The following ATL1 variants were observed in gnomAD, a reference collection of about 807,000 sequenced individuals.
ATL1 encodes the protein atlastin-1.
A neutral mutation model predicts 75.5 loss-of-function variants in ATL1; 31 were observed. The observed-to-expected ratio is 0.41, with a 90% CI of 0.31 to 0.55. The LOEUF (loss-of-function observed/expected upper bound fraction) is 0.55, where lower values mean the gene tolerates loss of function less well. Ranked by LOEUF, ATL1 falls within the 20% of genes least tolerant of loss-of-function variation. The pLI is 0.27. For missense variants in ATL1, 405 were observed against 662.6 expected (o/e 0.61, Z 4.27); for synonymous variants, 226 against 233.3 (o/e 0.97, Z 0.28).
intron 8 of ATL1, among the ~76,000 whole-genome samples, chr14:50,616,210 GC>G (rs532872215): frequency 1.9e-4 from 29 of 152,136 alleles, no homozygotes; most frequent in African/African-American, 6.3e-4. Context: ...TGTTTCCAGG[GC>G]TGGTCTCAAA....
At chr14:50,623,618 A>G (rs764602611) in intron 11 of ATL1, among the ~76,000 whole-genome samples, 1 of 151,778 alleles carries the variant, frequency 6.6e-6, no homozygotes, top group Non-Finnish European at 1.5e-5. Context: ...TAAACCTTTT[A>G]GGAAAAAAAA....
In ATL1 at chr14:50,632,337, T is replaced by C; in HGVS notation, c.1675T>C (p.Ter559GlnextTer4). 2 of 1,596,738 alleles carry C rather than the reference T, an allele frequency of 1.3e-6. No homozygotes were observed. Among genetic ancestry groups the C allele is most frequent in the Non-Finnish European group, 8.6e-7 (1 of 1,164,604 alleles). ...TGAACAATCAGAAAAGAAAAAAATG[T>C]AATGCAAATTTTAAGAAATACAGGT... ...STEQSEKKKM[*>Q] The change falls in exon 14 of 14, where the codon TAA (stop) becomes CAA (glutamine). Residue 559 changes from the stop codon to glutamine (Q), a stop_lost. Transcript: ENST00000358385.
chr14:50,625,738 G>A (rs561596189), intron 11 of ATL1, among the ~76,000 whole-genome samples: 3 of 152,084 alleles, frequency 2.0e-5, no homozygotes, highest in South Asian at 4.2e-4. Flanking sequence ...GTAAAACCCC[G>A]TCTCTACTAA....
At position 50,609,101 on chromosome 14, in the gene ATL1, G is replaced by A. The variant is rs1476190617; in HGVS notation, c.631-4158G>A. ...ATGTGATTCAAGGATTTGACATCCA[G>A]CAAAACTGACTTTCAGGCATAAAGG... On this transcript the variant is annotated intron_variant, in intron 6 of 13. Coordinates refer to ENST00000358385, the MANE Select transcript of ATL1 (RefSeq NM_015915.5). Among the ~76,000 whole-genome samples the A allele has an allele frequency of 2.0e-5, 3 of 152,066 alleles. No individual in the cohort carries two copies. In the East Asian group the frequency reaches 5.8e-4, roughly 29 times the overall value.
In ATL1 at chr14:50,603,488, G is replaced by A. The variant is rs570769973; in HGVS notation, c.630+7856G>A. ...AGGTTGCTGAAAAATAATAGAAGGG[G>A]AAGCATATAATAATACTCTATTACA... On this transcript the variant is annotated intron_variant, in intron 6 of 13. Coordinates refer to ENST00000358385, the MANE Select transcript of ATL1 (RefSeq NM_015915.5). Among the ~76,000 whole-genome samples, 14 of 152,194 alleles carry A rather than the reference G, an allele frequency of 9.2e-5. No homozygotes were observed. The South Asian group carries it at 2.7e-3, about 29-fold the overall frequency.
intron 1 of ATL1, among the ~76,000 whole-genome samples, chr14:50,575,236 T>G (rs1322541294): frequency 2.0e-5 from 3 of 151,882 alleles, no homozygotes; most frequent in Non-Finnish European, 2.9e-5. Flanking sequence ...GAATGGTTTA[T>G]GGAATTCTTT....
At chr14:50,548,658 C>T (rs1364904965) in intron 1 of ATL1, among the ~76,000 whole-genome samples, 2 of 152,142 alleles carry the variant, frequency 1.3e-5, no homozygotes, top group African/African-American at 4.8e-5. Context: ...TACAGGCACA[C>T]ACCGCCACGC....
chr14:50,566,769 T>C (rs892494957), intron 1 of ATL1, among the ~76,000 whole-genome samples: 6 of 152,220 alleles, frequency 3.9e-5, no homozygotes, highest in African/African-American at 1.4e-4. Context: ...ATGACTTTGA[T>C]CTCTATGGTG....
At chr14:50,626,618 A>C (rs2039522853) in intron 11 of ATL1, among the ~76,000 whole-genome samples, 1 of 152,238 alleles carries the variant, frequency 6.6e-6, no homozygotes, top group Admixed American at 6.5e-5. Context: ...AAGGGTTTAG[A>C]ATATTTTTTA....
At chr14:50,620,140 C>A (rs2039453575) in intron 8 of ATL1, among the ~76,000 whole-genome samples, 1 of 152,144 alleles carries the variant, frequency 6.6e-6, no homozygotes, top group Non-Finnish European at 1.5e-5. Flanking sequence ...TGCCTGTAGT[C>A]CCAGCTACTC....
At chr14:50,561,986 T>C (rs943586176) in intron 1 of ATL1, among the ~76,000 whole-genome samples, 1 of 152,158 alleles carries the variant, frequency 6.6e-6, no homozygotes, top group Admixed American at 6.5e-5. Context: ...ATTCTGAGGA[T>C]TAAAATTTTT....
chr14:50,540,028 A>G (rs1214930358), intron 1 of ATL1, among the ~76,000 whole-genome samples: 2 of 152,112 alleles, frequency 1.3e-5, no homozygotes, highest in Non-Finnish European at 2.9e-5. Context: ...GAGGGAGAAC[A>G]GATATCCTCG....
intron 11 of ATL1, among the ~76,000 whole-genome samples, chr14:50,624,060 A>G (rs1566734230): frequency 6.6e-6 from 1 of 152,180 alleles, no homozygotes; most frequent in South Asian, 2.1e-4. Context: ...GTCTCAAAAA[A>G]CAAAATGTTA....
rs549120728 is a variant in ATL1 at position 50,598,364 on chromosome 14, A to T, written c.630+2732A>T. Reference sequence around the variant, plus strand: ...GTCAGGTTATTTTATTTTTATTTTTATTTTTTTTTGAGACGGAGTCTTGCT... The same window carrying T: ...GTCAGGTTATTTTATTTTTATTTTTTTTTTTTTTTGAGACGGAGTCTTGCT... On this transcript the variant is annotated intron_variant, in intron 6 of 13. Coordinates refer to ENST00000358385, the MANE Select transcript of ATL1 (RefSeq NM_015915.5). 6.5e-3 allele frequency among the ~76,000 whole-genome samples: 985 copies of T among 150,506 alleles called. 8 individuals are homozygous for T. Among genetic ancestry groups the T allele is most frequent in the African/African-American group, 0.022 (910 of 41,038 alleles).
At chr14:50,539,985 C>T (rs1175449240) in intron 1 of ATL1, among the ~76,000 whole-genome samples, 1 of 152,062 alleles carries the variant, frequency 6.6e-6, no homozygotes, top group Non-Finnish European at 1.5e-5. Context: ...CCCAGGAGGG[C>T]CCATACAATT....
At chr14:50,610,861 T>C (rs1170342401) in intron 6 of ATL1, among the ~76,000 whole-genome samples, 1 of 152,134 alleles carries the variant, frequency 6.6e-6, no homozygotes, top group African/African-American at 2.4e-5. Flanking sequence ...TCTATTTCTT[T>C]TTCCGTCTAG....
chr14:50,579,250 T>G (rs771736640), intron 1 of ATL1, among the ~76,000 whole-genome samples: 3 of 152,182 alleles, frequency 2.0e-5, no homozygotes, highest in Non-Finnish European at 4.4e-5. Context: ...ATTGAAAAGA[T>G]CTCCTTTTCT....
At chr14:50,547,907 C>T (rs909569615) in intron 1 of ATL1, among the ~76,000 whole-genome samples, 2 of 152,190 alleles carry the variant, frequency 1.3e-5, no homozygotes, top group Non-Finnish European at 2.9e-5. Context: ...CCTGCACAAC[C>T]CCACCATCTA....
chr14:50,537,063 T>C lies in ATL1; in HGVS notation c.-140+3696T>C, dbSNP rs113544383. 3.3e-5 allele frequency among the ~76,000 whole-genome samples: 5 copies of C among 152,360 alleles called. 1 individual carries two copies. Among genetic ancestry groups the C allele is most frequent in the South Asian group, 2.1e-4 (1 of 4,830 alleles). ...CTTCAGGGCGTGTCAGAGGTCTTCA[T>C]GGCAGACCTTCCCATCACAGGCCAG... On this transcript the variant is annotated intron_variant, in intron 1 of 13. Transcript: ENST00000441560.
Sources: allele counts gnomAD v4.1 joint callset (sites outside exome capture counted in the v4.1 genomes callset), GRCh38; gene constraint gnomAD v4.1.1; transcripts MANE v1.5; gene names NCBI Gene and HGNC (gene_info 2026-07-23, HGNC 2026-07-21).